Variants in PCDH18 observed in about 807,000 individuals in gnomAD.
The protein encoded by PCDH18 is protocadherin 18.
PCDH18 carries 38 observed loss-of-function variants against 71.5 expected under a neutral mutation model. The ratio of observed to expected loss-of-function variants is 0.53; its 90% CI spans 0.41 to 0.70. The LOEUF (loss-of-function observed/expected upper bound fraction) is 0.70, where lower values mean the gene tolerates loss of function less well. Among genes scored for constraint, PCDH18 ranks in the 30% least tolerant of loss-of-function variants. The pLI, the probability that PCDH18 is intolerant of heterozygous loss-of-function variation, is 0.00. For missense variants in PCDH18, 1,334 were observed against 1,384.6 expected (o/e 0.96, Z 0.58); for synonymous variants, 565 against 505.4 (o/e 1.12, Z -1.58).
At position 137,530,080 on chromosome 4, in the gene PCDH18, A is replaced by C. The variant is rs759490971; in HGVS notation, c.2009T>G (p.Val670Gly). 6.2e-7 allele frequency: 1 copy of C among 1,614,028 alleles called. No homozygotes were observed. The highest frequency in any genetic ancestry group is 1.1e-5 in the South Asian group (1 of 91,072). ...TTCAAAGATCATGCACTTCAGAAGG[A>C]CTTTGGTATGTAGCTGAGGATTGCC... ...DKGNPQLHTK[V>G]LLKCMIFEYA... Residue 670 changes from valine (V) to glycine (G), a missense_variant, in exon 1 of 4, where the codon GTC becomes GGC. Val to Gly is a moderately radical substitution (Grantham distance 109, BLOSUM62 -3). Coordinates refer to ENST00000344876, the MANE Select transcript of PCDH18 (RefSeq NM_019035.5).
rs745479412 is a variant in PCDH18, at chr4:137,530,607, A to G, written c.1482T>C (p.Leu494=). 4 of 1,613,980 alleles carry G rather than the reference A, an allele frequency of 2.5e-6. No individual in the cohort carries two copies. Among genetic ancestry groups the G allele is most frequent in the Admixed American group, 1.7e-5 (1 of 59,994 alleles). ...ITTVTATDPD[L]GENGQVTYTI... ...TGTATGTCACTTGCCCATTTTCTCC[A>G]AGATCAGGATCTGTGGCTGTAACAG... Residue 494 remains leucine, a synonymous_variant, in exon 1 of 4, where the codon CTT becomes CTC. Coordinates refer to ENST00000344876, the MANE Select transcript of PCDH18 (RefSeq NM_019035.5).
chr4:137,532,238 T>C lies in PCDH18; in HGVS notation c.-150A>G. 1 of 736,980 alleles carries C rather than the reference T, an allele frequency of 1.4e-6. No individual in the cohort carries two copies. The highest frequency in any genetic ancestry group is 2.4e-6 in the Non-Finnish European group (1 of 410,466). 45.7% of individuals were successfully genotyped at this position (736,980 alleles called of 1,614,324 possible). ...GCACAGCAATTAACAGCTCGCAAACTTTTGTTTTATACACACCGTGTCACG... is the reference window on the plus strand; with the variant it reads ...GCACAGCAATTAACAGCTCGCAAACCTTTGTTTTATACACACCGTGTCACG... On this transcript the variant is annotated 5_prime_UTR_variant, in exon 1 of 4. Coordinates refer to ENST00000344876, the MANE Select transcript of PCDH18 (RefSeq NM_019035.5).
chr4:137,528,829 C>T lies in PCDH18; in HGVS notation c.2488-9G>A. On this transcript the variant is annotated splice_polypyrimidine_tract_variant and intron_variant, in intron 1 of 3. Transcript: ENST00000344876. ...AGAAGCTGAGAGACCTGCTGGAAAC[C>T]AAATAGACAGAACTGATTCCCGGAA... The T allele has an allele frequency of 6.3e-7, 1 of 1,592,020 alleles. No homozygotes were observed. The highest frequency in any genetic ancestry group is 2.2e-5 in the East Asian group (1 of 44,732).
chr4:137,521,957 A>G (rs1199414663), intron 3 of PCDH18, among the ~76,000 whole-genome samples: 2 of 152,126 alleles, frequency 1.3e-5, no homozygotes, highest in Admixed American at 1.3e-4. Flanking sequence ...TACTTGAATA[A>G]TGATAAGATG....
At position 137,531,949 on chromosome 4, in the gene PCDH18, A is replaced by C. The variant is rs1311719572; in HGVS notation, c.140T>G (p.Leu47Arg). 2 of 1,614,034 alleles carry C rather than the reference A, an allele frequency of 1.2e-6. No individual in the cohort carries two copies. Among genetic ancestry groups the C allele is most frequent in the Non-Finnish European group, 1.7e-6 (2 of 1,180,010 alleles). Residue 47 changes from leucine (L) to arginine (R), a missense_variant, in exon 1 of 4, where the codon CTA becomes CGA. This residue lies in a region of PCDH18 where 1,011 missense variants were observed against 1,048.0 expected (regional missense o/e 0.96). Coordinates refer to ENST00000344876, the MANE Select transcript of PCDH18 (RefSeq NM_019035.5). ...TAAAACATCAGCCACATCCTCTGAT[A>C]GTCTTGCAATTACTGATCCAACCCT... ...EQRVGSVIAR[L>R]SEDVADVLLK...
Position 137,531,509 on chromosome 4 carries a change from T to G in PCDH18, c.580A>C (p.Lys194Gln). 2 of 1,613,932 alleles carry G rather than the reference T, an allele frequency of 1.2e-6. No homozygotes were observed. Among genetic ancestry groups the G allele is most frequent in the Non-Finnish European group, 1.7e-6 (2 of 1,179,936 alleles). Reference sequence around the variant, plus strand: ...CTGACCACTATGAGTTCTGCATACTTGGCTCCATCAGTCCTGGTCCGAACC... The same window carrying G: ...CTGACCACTATGAGTTCTGCATACTGGGCTCCATCAGTCCTGGTCCGAACC... ...IEVRTRTDGA[K>Q]YAELIVVREL... Residue 194 changes from lysine (K) to glutamine (Q), a missense_variant, in exon 1 of 4, where the codon AAG becomes CAG. Transcript: ENST00000344876.
intron 3 of PCDH18, among the ~76,000 whole-genome samples, chr4:137,526,278 T>C (rs1349301914): frequency 2.6e-5 from 4 of 152,066 alleles, no homozygotes; most frequent in Non-Finnish European, 1.5e-5. Flanking sequence ...TTAAGTATGC[T>C]GATAAATTTA....
chr4:137,528,354 C>T (rs1578745685), intron 3 of PCDH18, 124 bp downstream of exon 3: 1 of 740,934 alleles, frequency 1.3e-6, no homozygotes, highest in South Asian at 1.8e-5. Flanking sequence ...TACTATAAAA[C>T]ATATTATAAA....
rs1045101374 is a variant in PCDH18 at position 137,519,923 on chromosome 4, A to T, written c.*1106T>A. 4 of 152,650 alleles carry T rather than the reference A, an allele frequency of 2.6e-5. No homozygotes were observed. Among genetic ancestry groups the T allele is most frequent in the African/African-American group, 7.2e-5 (3 of 41,462 alleles). The allele number at this position is 152,650 out of a possible 1,614,324, so 9.5% of individuals were successfully genotyped here. The stretch of plus-strand genomic sequence containing the variant: ...CACAACAAATAAAACAATTGCAGTA[A>T]CAAAAATATGATTTTATAAATGTTC... On this transcript the variant is annotated 3_prime_UTR_variant, in exon 4 of 4. Transcript: ENST00000344876.
rs754513584 is a variant in PCDH18 at position 137,530,994 on chromosome 4, T to G, written c.1095A>C (p.Glu365Asp). 10 of 1,612,514 alleles carry G rather than the reference T, an allele frequency of 6.2e-6. No individual in the cohort carries two copies. Among genetic ancestry groups the G allele is most frequent in the Middle Eastern group, 1.6e-4 (1 of 6,066 alleles). ...GATCCCCTTCAAAAATATAAGATAT[T>G]TCTTCTTTTCCAGGGGACATGAGGT... The part of the protein sequence containing the change: ...NINLMSPGKE[E>D]ISYIFEGDPI... Residue 365 changes from glutamate (E) to aspartate (D), a missense_variant, in exon 1 of 4, where the codon GAA becomes GAC. Glu to Asp is a conservative substitution (Grantham distance 45, BLOSUM62 2). Transcript: ENST00000344876.
intron 3 of PCDH18, among the ~76,000 whole-genome samples, 169 bp downstream of exon 3, chr4:137,528,309 T>A (rs1438932441): frequency 6.6e-6 from 1 of 152,170 alleles, no homozygotes; most frequent in Non-Finnish European, 1.5e-5. Context: ...GTTAAAATGT[T>A]TCAGTTTCTG....
chr4:137,531,570 T>C lies in PCDH18; in HGVS notation c.519A>G (p.Thr173=), dbSNP rs756228125. 9.9e-6 allele frequency: 16 copies of C among 1,613,528 alleles called. No homozygotes were observed. The highest frequency in any genetic ancestry group is 1.3e-5 in the Non-Finnish European group (15 of 1,179,702). The change falls in exon 1 of 4, where the codon ACA becomes ACG. Residue 173 remains threonine (T), a synonymous_variant. Coordinates refer to ENST00000344876, the MANE Select transcript of PCDH18 (RefSeq NM_019035.5). ...AAAAATCATTGGCAGAGAGCGAGTA[T>C]GTGTGGAGGGAATTTTCCCCAACAT... The part of the protein sequence containing the change: ...DPDVGENSLH[T]YSLSANDFFN...
At chr4:137,524,288 G>A (rs769175038) in intron 3 of PCDH18, among the ~76,000 whole-genome samples, 1 of 152,118 alleles carries the variant, frequency 6.6e-6, no homozygotes, top group Non-Finnish European at 1.5e-5. Context: ...AGATATATAA[G>A]AAGAAATACG....
chr4:137,526,209 A>T (rs963910950), intron 3 of PCDH18, among the ~76,000 whole-genome samples: 3 of 152,042 alleles, frequency 2.0e-5, no homozygotes, highest in Non-Finnish European at 4.4e-5. Context: ...ATTAAAAGGG[A>T]CTTTAGGATC....
chr4:137,532,340 G>A lies in PCDH18; in HGVS notation c.-252C>T. 1 of 702,522 alleles carries A rather than the reference G, an allele frequency of 1.4e-6. No homozygotes were observed. The highest frequency in any genetic ancestry group is 2.6e-6 in the Non-Finnish European group (1 of 385,014). 43.5% of individuals were successfully genotyped at this position (702,522 alleles called of 1,614,324 possible). On this transcript the variant is annotated 5_prime_UTR_variant, in exon 1 of 4. Coordinates refer to ENST00000344876, the MANE Select transcript of PCDH18 (RefSeq NM_019035.5). ...TCGTCCTCTTTCCAGGCAGGAGAGT[G>A]TCACCTCCGCGTTTTCTCCCTTGTG...
chr4:137,523,971 G>A (rs1012510908), intron 3 of PCDH18, among the ~76,000 whole-genome samples: 11 of 152,138 alleles, frequency 7.2e-5, no homozygotes, highest in African/African-American at 1.9e-4. Flanking sequence ...GAAGAGTAAC[G>A]GTGCAGAAGA....
chr4:137,525,192 T>C lies in PCDH18; in HGVS notation c.2740+3286A>G, dbSNP rs190498276. Among the ~76,000 whole-genome samples, 312 of 152,242 alleles carry C rather than the reference T, an allele frequency of 2.0e-3. 1 individual carries two copies. Among genetic ancestry groups the C allele is most frequent in the Non-Finnish European group, 3.5e-3 (239 of 68,000 alleles). On this transcript the variant is annotated intron_variant, in intron 3 of 3. Transcript: ENST00000344876. ...TCAAAGTTGAATGAGTAAGAAAGTA[T>C]GTTGGCAAACATGAGCCAACAGACA...
chr4:137,528,507 A>C lies in PCDH18; in HGVS notation c.2711T>G (p.Leu904Arg). ...DRLLGEGFSD[L>R]FLTDGRIPAA... ...TGGAATTCTTCCATCTGTGAGAAAC[A>C]GGTCGCTGAATCCTTCACCCAACAG... Residue 904 changes from leucine (L) to arginine (R), a missense_variant, in exon 3 of 4, where the codon CTG becomes CGG. Physicochemically the swap from Leu to Arg is moderately radical, Grantham distance 102. Coordinates refer to ENST00000344876, the MANE Select transcript of PCDH18 (RefSeq NM_019035.5). 3.7e-6 allele frequency: 6 copies of C among 1,613,918 alleles called. No individual in the cohort carries two copies. Among genetic ancestry groups the C allele is most frequent in the Non-Finnish European group, 4.2e-6 (5 of 1,179,852 alleles).
At position 137,531,458 on chromosome 4, in the gene PCDH18, T is replaced by A; in HGVS notation, c.631A>T (p.Ser211Cys). 1 of 1,613,920 alleles carries A rather than the reference T, an allele frequency of 6.2e-7. No individual in the cohort carries two copies. Among genetic ancestry groups the A allele is most frequent in the Non-Finnish European group, 8.5e-7 (1 of 1,179,946 alleles). ...VRELDRELKS[S>C]YELQLTASDM... ...GAGGCAGTGAGCTGAAGCTCGTAGC[T>A]TGACTTCAGCTCCCGATCTAACTCT... Residue 211 changes from serine to cysteine, a missense_variant, in exon 1 of 4, where the codon AGC (serine) becomes TGC (cysteine). Ser to Cys is a moderately radical substitution (Grantham distance 112, BLOSUM62 -1). Around this residue, in one of 3 missense-constraint regions of PCDH18, gnomAD observed 1,011 missense variants for 1,048.0 expected, o/e 0.96. Coordinates refer to ENST00000344876, the MANE Select transcript of PCDH18 (RefSeq NM_019035.5).
Sources: gnomAD v4.1 joint callset for allele counts (sites outside exome capture counted in the v4.1 genomes callset) on GRCh38, gnomAD v4.1.1 for gene constraint, gnomAD v4.1.1 regional missense constraint, MANE v1.5 for transcripts, NCBI Gene and HGNC (gene_info 2026-07-23, HGNC 2026-07-21) for gene names.